The following PCDHGB4 variants were observed in gnomAD, a reference collection of about 807,000 sequenced individuals.
The protein encoded by PCDHGB4 is protocadherin gamma subfamily B, 4.
A neutral mutation model predicts 60.5 loss-of-function variants in PCDHGB4; 38 were observed. The ratio of observed to expected loss-of-function variants is 0.63; its 90% confidence interval spans 0.48 to 0.82. The LOEUF is 0.82. Ranked by LOEUF, PCDHGB4 falls within the 40% of genes least tolerant of loss-of-function variation. The probability of loss-of-function intolerance (pLI) is 0.00; values close to 1 mark genes in which losing one functional copy is unlikely to be tolerated. For synonymous variants in PCDHGB4, 456 were observed against 509.7 expected (o/e 0.89, Z 1.42); for missense variants, 1,109 against 1,209.6 (o/e 0.92, Z 1.23).
chr5:141,508,737 C>T (rs919094477), intron 3 of PCDHGB4, among the ~76,000 whole-genome samples: 1 of 152,010 alleles, frequency 6.6e-6, no homozygotes, highest in Non-Finnish European at 1.5e-5. Flanking sequence ...CTACACCCCC[C>T]ACCCCGCTCT....
chr5:141,417,632 C>T (rs1395400349), intron 1 of PCDHGB4: 3 of 714,288 alleles, frequency 4.2e-6, no homozygotes, highest in Non-Finnish European at 6.5e-6. Context: ...GCGCTGACGC[C>T]GGGGATCCCT....
chr5:141,390,118 C>A lies in PCDHGB4; in HGVS notation c.2234C>A (p.Thr745Asn), dbSNP rs1031170621. Residue 745 changes from threonine to asparagine, a missense_variant, in exon 1 of 4, where the codon ACT (threonine) becomes AAT (asparagine). This residue lies in a region of PCDHGB4 where 1,068 missense variants were observed against 1,089.9 expected (regional missense o/e 0.98). Transcript: ENST00000519479. ...GTTCCCCCCAACTACAGCGAGGGGA[C>A]TTTGCCTTATTCCTACAATCTATGT... ...SVVPPNYSEGTLPYSYNLCVA... is the reference protein window; with the variant it reads ...SVVPPNYSEGNLPYSYNLCVA... The A allele has an allele frequency of 1.2e-6, 2 of 1,613,918 alleles. No individual in the cohort carries two copies. Among genetic ancestry groups the A allele is most frequent in the African/African-American group, 2.7e-5 (2 of 74,924 alleles).
At chr5:141,510,169 A>G (rs927072830) in intron 3 of PCDHGB4, among the ~76,000 whole-genome samples, 7 of 151,230 alleles carry the variant, frequency 4.6e-5, no homozygotes, top group Non-Finnish European at 1.0e-4. Context: ...GCTACTCAGG[A>G]GGTTGAGGCA....
intron 1 of PCDHGB4, chr5:141,423,620 C>T: frequency 6.2e-7 from 1 of 1,608,268 alleles, no homozygotes; most frequent in Middle Eastern, 1.7e-4. Context: ...GCTGAAGACT[C>T]AGCTATCATT....
chr5:141,438,901 G>A (rs1039951275), intron 1 of PCDHGB4, among the ~76,000 whole-genome samples: 2 of 151,746 alleles, frequency 1.3e-5, no homozygotes, highest in African/African-American at 2.4e-5. Flanking sequence ...CCTGACCTCA[G>A]GTGATCCACC....
Position 141,389,411 on chromosome 5 carries a change from CG to C in PCDHGB4, c.1531del (p.Val511TrpfsTer34). ...CCTACGTGTCCATAAGCGCGGAGAG[CG>C]GGGTGGTGTTCGCGCAGCGCGCCTT... is the stretch of plus-strand genomic sequence containing the variant. ...SSYVSISAESGVVFAQRAFDH... is the reference protein window; with the variant it reads ...SSYVSISAESXVVFAQRAFDH... On this transcript the variant is annotated frameshift_variant, in exon 1 of 4. Transcript: ENST00000519479. LOFTEE classifies it high-confidence loss of function. The C allele has an allele frequency of 1.2e-6, 2 of 1,613,568 alleles. No individual in the cohort carries two copies. The highest frequency in any genetic ancestry group is 2.2e-5 in the South Asian group (2 of 91,090).
At chr5:141,410,715 G>C (rs1237496496) in intron 1 of PCDHGB4, 1 of 1,422,664 alleles carries the variant, frequency 7.0e-7, no homozygotes, top group Non-Finnish European at 9.4e-7. Context: ...AGAATCATAT[G>C]TTTAAAATCC....
At chr5:141,498,194 T>C (rs1014641829) in intron 2 of PCDHGB4, among the ~76,000 whole-genome samples, 16 of 152,254 alleles carry the variant, frequency 1.1e-4, no homozygotes, top group African/African-American at 3.6e-4. Context: ...ATTAACCAGC[T>C]AAAGAAAAGA....
In PCDHGB4 at chr5:141,438,090, A is replaced by G. The variant is rs560861677; in HGVS notation, c.2397+47809A>G. 1.2e-4 allele frequency among the ~76,000 whole-genome samples: 18 copies of G among 152,310 alleles called. No individual in the cohort carries two copies. In the South Asian group the frequency reaches 3.5e-3, roughly 30 times the overall value. ...CATACTTAATGGAAAATTACCAGTA[A>G]CAGGGCATACTGTTTAGGATGCATT... On this transcript the variant is annotated intron_variant, in intron 1 of 3. Coordinates refer to ENST00000519479, the MANE Select transcript of PCDHGB4 (RefSeq NM_003736.4).
chr5:141,500,216 ATT>A (rs1562194139), intron 2 of PCDHGB4, among the ~76,000 whole-genome samples: 8 of 149,244 alleles, frequency 5.4e-5, no homozygotes, highest in African/African-American at 2.0e-4. Flanking sequence ...TTATTTATTT[ATT>A]TATTTATTGA....
intron 1 of PCDHGB4, among the ~76,000 whole-genome samples, chr5:141,406,353 T>G (rs1380718525): frequency 6.6e-6 from 1 of 152,196 alleles, no homozygotes; most frequent in Admixed American, 6.5e-5. Context: ...CAGGTCATAC[T>G]ATGTTTGTAA....
rs1036126623 is a variant in PCDHGB4, at chr5:141,410,753, T to A, written c.2397+20472T>A. On this transcript the variant is annotated intron_variant, in intron 1 of 3. Transcript: ENST00000519479. ...AGCTTTTTACAATATTTTCTCAATG[T>A]TTTTTCAATTATAGTTTTCACTATG... 4.1e-6 allele frequency: 5 copies of A among 1,229,696 alleles called. No individual in the cohort carries two copies. In the African/African-American group the frequency reaches 6.1e-5, roughly 15 times the overall value. 76.2% of individuals were successfully genotyped at this position (1,229,696 alleles called of 1,614,324 possible). A position where few individuals can be genotyped will look rare whatever the true frequency, so the allele number is the denominator to read the frequency against.
intron 1 of PCDHGB4, chr5:141,426,609 G>A (rs1026143678): frequency 5.2e-6 from 2 of 382,862 alleles, no homozygotes; most frequent in African/African-American, 4.2e-5. Flanking sequence ...AGAGATTGTA[G>A]CAGAGAATCC....
chr5:141,475,343 G>A (rs1425482944), intron 1 of PCDHGB4, among the ~76,000 whole-genome samples: 1 of 152,178 alleles, frequency 6.6e-6, no homozygotes, highest in Non-Finnish European at 1.5e-5. Flanking sequence ...ATGACATCCA[G>A]TTTTAAAAGA....
rs1233637152 is a variant in PCDHGB4 at position 141,432,543 on chromosome 5, A to G, written c.2397+42262A>G. ...CTGGTGACCAAGGTGGTGGCGGTGGACAGAGACTCCGGCCAGAACGCCTGG... is the reference window on the plus strand; with the variant it reads ...CTGGTGACCAAGGTGGTGGCGGTGGGCAGAGACTCCGGCCAGAACGCCTGG... On this transcript the variant is annotated intron_variant, in intron 1 of 3. Transcript: ENST00000519479. This position sits in a 1 kb window ranked among gnomAD's most constrained non-coding sequence, Gnocchi z 6.0. 3 of 1,613,678 alleles carry G rather than the reference A, an allele frequency of 1.9e-6. No individual in the cohort carries two copies. In the African/African-American group the frequency reaches 4.0e-5, roughly 22 times the overall value.
intron 1 of PCDHGB4, chr5:141,403,939 G>C: frequency 6.2e-7 from 1 of 1,613,852 alleles, no homozygotes; most frequent in Non-Finnish European, 8.5e-7. Context: ...GATTGAAAGG[G>C]TGGACAAAAG....
At chr5:141,404,593 A>C in intron 1 of PCDHGB4, 1 of 1,614,080 alleles carries the variant, frequency 6.2e-7, no homozygotes, top group Non-Finnish European at 8.5e-7. Flanking sequence ...GCAATGTGTC[A>C]TTGAGACTGT....
intron 1 of PCDHGB4, chr5:141,419,798 A>G: frequency 6.2e-7 from 1 of 1,614,050 alleles, no homozygotes; most frequent in Admixed American, 1.7e-5. Flanking sequence ...AGTCGCTGTA[A>G]GAGATGGAGG....
At chr5:141,419,974 C>T (rs368697962) in intron 1 of PCDHGB4, 3 of 1,613,962 alleles carry the variant, frequency 1.9e-6, no homozygotes, top group Non-Finnish European at 2.5e-6. Context: ...TCTTTCTCCT[C>T]GCGGTGATTC....
Sources: allele counts gnomAD v4.1 joint callset (sites outside exome capture counted in the v4.1 genomes callset), GRCh38; gene constraint gnomAD v4.1.1; regional missense constraint gnomAD v4.1.1; non-coding constraint Gnocchi (gnomAD v3.1); transcripts MANE v1.5; gene names NCBI Gene and HGNC (gene_info 2026-07-23, HGNC 2026-07-21).